Variants in PDZD2 observed in about 807,000 individuals in gnomAD.
PDZD2 encodes the protein PDZ domain containing 2, also known as PDZ domain-containing protein 2.
PDZD2 carries 90 observed loss-of-function variants against 220.7 expected under a neutral mutation model. The observed-to-expected ratio is 0.41, with a 90% CI of 0.34 to 0.49. PDZD2 has a LOEUF of 0.49. Among genes scored for constraint, PDZD2 ranks in the 20% least tolerant of loss-of-function variants. The pLI is 0.28. For synonymous variants in PDZD2, 1,375 were observed against 1,450.5 expected (o/e 0.95, Z 1.18); for missense variants, 3,174 against 3,608.5 (o/e 0.88, Z 3.08).
At chr5:31,726,905 A>G (rs976655879) in intron 1 of PDZD2, among the ~76,000 whole-genome samples, 2 of 152,224 alleles carry the variant, frequency 1.3e-5, no homozygotes, top group African/African-American at 2.4e-5. Context: ...CAGGCTTTAC[A>G]GGAAGCATGG....
intron 1 of PDZD2, among the ~76,000 whole-genome samples, chr5:31,716,670 G>A (rs1438992308): frequency 2.0e-5 from 3 of 152,182 alleles, no homozygotes; most frequent in African/African-American, 7.2e-5. Context: ...GGGTGTGGTG[G>A]TGGGCACCTG....
intron 1 of PDZD2, among the ~76,000 whole-genome samples, chr5:31,691,761 C>T (rs967923343): frequency 6.6e-6 from 1 of 152,178 alleles, no homozygotes; most frequent in African/African-American, 2.4e-5. Flanking sequence ...CTCCAAGGCC[C>T]CACCAGAGTA....
intron 2 of PDZD2, among the ~76,000 whole-genome samples, chr5:31,818,910 C>T (rs1259318076): frequency 6.6e-6 from 1 of 152,114 alleles, no homozygotes; most frequent in African/African-American, 2.4e-5. Context: ...TCCTTCTAAT[C>T]TATGTTCATT....
rs185658012 is a variant in PDZD2, at chr5:31,766,692, T to C, written c.-360-32197T>C. Among the ~76,000 whole-genome samples the C allele has an allele frequency of 1.4e-3, 205 of 151,372 alleles. 2 individuals are homozygous for C. Among genetic ancestry groups the C allele is most frequent in the African/African-American group, 4.9e-3 (201 of 41,248 alleles). ...CAGGTGTGAGCCACAGCACCCAACC[T>C]ACATAAGATTCATAAGTTCTTTTTT... On this transcript the variant is annotated intron_variant, in intron 1 of 24. Transcript: ENST00000438447.
chr5:31,792,273 G>A (rs1321118794), intron 1 of PDZD2, among the ~76,000 whole-genome samples: 1 of 152,202 alleles, frequency 6.6e-6, no homozygotes, highest in Non-Finnish European at 1.5e-5. Context: ...GGGGGGCAAG[G>A]TCATCAGAAG....
chr5:31,956,009 C>T (rs1049950647), intron 2 of PDZD2, among the ~76,000 whole-genome samples: 1 of 152,140 alleles, frequency 6.6e-6, no homozygotes, highest in African/African-American at 2.4e-5. Context: ...CTTCAGTCTT[C>T]ATAAATTGTT....
intron 2 of PDZD2, among the ~76,000 whole-genome samples, chr5:31,909,611 T>G (rs1055520133): frequency 6.6e-6 from 1 of 152,142 alleles, no homozygotes; most frequent in Non-Finnish European, 1.5e-5. Context: ...AATACTATAT[T>G]TAGTATACTA....
chr5:32,034,174 G>A (rs1755341255), intron 6 of PDZD2, among the ~76,000 whole-genome samples: 1 of 152,004 alleles, frequency 6.6e-6, no homozygotes, highest in African/African-American at 2.4e-5. Context: ...GGCTGGCATG[G>A]TTTTCCTTGC....
At chr5:32,072,514 T>A (rs1740854633) in intron 17 of PDZD2, among the ~76,000 whole-genome samples, 197 bp downstream of exon 17, 1 of 152,142 alleles carries the variant, frequency 6.6e-6, no homozygotes, top group African/African-American at 2.4e-5. Flanking sequence ...GGGGATCACT[T>A]GAGGTTAGGA....
At chr5:31,930,029 T>C (rs1745117660) in intron 2 of PDZD2, among the ~76,000 whole-genome samples, 1 of 152,036 alleles carries the variant, frequency 6.6e-6, no homozygotes, top group Non-Finnish European at 1.5e-5. Flanking sequence ...CCTCGTGCCA[T>C]GTGAAGTGCC....
At chr5:31,919,961 A>G (rs1264811981) in intron 2 of PDZD2, among the ~76,000 whole-genome samples, 1 of 151,922 alleles carries the variant, frequency 6.6e-6, no homozygotes, top group Admixed American at 6.6e-5. Context: ...TTGAGGCTGC[A>G]GTGAGCTATG....
chr5:31,880,578 T>G (rs1354771363), intron 2 of PDZD2, among the ~76,000 whole-genome samples: 2 of 152,180 alleles, frequency 1.3e-5, no homozygotes, highest in African/African-American at 4.8e-5. Context: ...GAACCCTATT[T>G]TGATTGGCTG....
intron 2 of PDZD2, among the ~76,000 whole-genome samples, chr5:31,917,990 C>T (rs928919984): frequency 5.9e-5 from 9 of 152,124 alleles, no homozygotes; most frequent in South Asian, 2.1e-4. Context: ...CCACCGTGCC[C>T]GGCCAGGCTT....
chr5:31,900,943 C>T (rs1317579818), intron 2 of PDZD2, among the ~76,000 whole-genome samples: 2 of 152,164 alleles, frequency 1.3e-5, no homozygotes, highest in East Asian at 3.9e-4. Context: ...TAAATCTTCC[C>T]GGACAAATAC....
At chr5:31,789,137 A>T (rs6866410) in intron 1 of PDZD2, among the ~76,000 whole-genome samples, 14,977 of 152,222 alleles carry the variant, frequency 0.098, 790 homozygotes, top group South Asian at 0.18. Flanking sequence ...GGGCTGGTAT[A>T]GCTGCTCAAG....
At chr5:31,916,375 G>T (rs189965688) in intron 2 of PDZD2, among the ~76,000 whole-genome samples, 1 of 152,222 alleles carries the variant, frequency 6.6e-6, no homozygotes, top group African/African-American at 2.4e-5. Context: ...GTGCCCTTGC[G>T]TACCCACAGT....
intron 1 of PDZD2, among the ~76,000 whole-genome samples, chr5:31,751,820 G>A (rs144772048): frequency 2.8e-4 from 43 of 152,144 alleles, no homozygotes; most frequent in African/African-American, 1.0e-3. Context: ...TCACTCAGCT[G>A]TCATCAGGTA....
intron 1 of PDZD2, among the ~76,000 whole-genome samples, chr5:31,782,209 G>T (rs943074114): frequency 4.6e-5 from 7 of 152,108 alleles, no homozygotes; most frequent in Admixed American, 2.0e-4. Flanking sequence ...TAAAATACCA[G>T]ACAGTTTAAT....
At chr5:31,670,408 C>T (rs796613406) in intron 1 of PDZD2, among the ~76,000 whole-genome samples, 3 of 149,396 alleles carry the variant, frequency 2.0e-5, no homozygotes, top group South Asian at 2.2e-4. Flanking sequence ...TCTTAGTTTG[C>T]GTTTATTTTA....
Sources: gnomAD v4.1 joint callset for allele counts (sites outside exome capture counted in the v4.1 genomes callset) on GRCh38, gnomAD v4.1.1 for gene constraint, MANE v1.5 for transcripts, NCBI Gene and HGNC (gene_info 2026-07-23, HGNC 2026-07-21) for gene names.